Variants in POLR1A observed in about 807,000 individuals in gnomAD.
The protein encoded by POLR1A is RNA polymerase I subunit A.
Under a neutral mutation model 205.3 loss-of-function variants are expected in POLR1A, and 84 were observed. The observed-to-expected ratio is 0.41, with a 90% confidence interval of 0.34 to 0.49. POLR1A has a LOEUF of 0.49. Among genes scored for constraint, POLR1A ranks in the 20% least tolerant of loss-of-function variants. The pLI, the probability that POLR1A is intolerant of heterozygous loss-of-function variation, is 0.22. For missense variants in POLR1A, 1,645 were observed against 2,204.5 expected, an observed-to-expected ratio of 0.75 and a Z score of 5.08; for synonymous variants, 799 against 863.7, an observed-to-expected ratio of 0.93 and a Z score of 1.31.
intron 3 of POLR1A, among the ~76,000 whole-genome samples, chr2:86,091,572 G>A (rs554662871): frequency 1.4e-4 from 21 of 152,234 alleles, no homozygotes; most frequent in African/African-American, 5.1e-4. Flanking sequence ...GTATTGGACT[G>A]TACATATAAT....
Position 86,031,334 on chromosome 2 carries a change from C to T in POLR1A, c.4574G>A (p.Cys1525Tyr). ...YQYDTEESLW[C>Y]QVTVKLPLMK... The stretch of plus-strand genomic sequence containing the variant: ...GGCCTGCACGGCCACACTGACCTGG[C>T]ACCACAGGCTCTCCTCGGTGTCGTA... Residue 1525 changes from cysteine to tyrosine, a missense_variant, in exon 30 of 34, where the codon TGC becomes TAC. Cys to Tyr is a radical substitution (Grantham distance 194). Around this residue, in one of 16 missense-constraint regions of POLR1A, gnomAD observed 394 missense variants for 468.5 expected, o/e 0.84. Coordinates refer to ENST00000263857, the MANE Select transcript of POLR1A (RefSeq NM_015425.6). The T allele has an allele frequency of 6.5e-7, 1 of 1,547,522 alleles. No individual in the cohort carries two copies. The highest frequency in any genetic ancestry group is 8.7e-7 in the Non-Finnish European group (1 of 1,144,428).
intron 13 of POLR1A, among the ~76,000 whole-genome samples, chr2:86,066,028 T>G (rs922464000): frequency 9.9e-5 from 15 of 152,200 alleles, no homozygotes; most frequent in African/African-American, 3.6e-4. Flanking sequence ...AATGATTGGA[T>G]AAATACAATA....
intron 24 of POLR1A, among the ~76,000 whole-genome samples, chr2:86,041,639 G>C (rs1272945438): frequency 6.6e-6 from 1 of 151,698 alleles, no homozygotes; most frequent in Non-Finnish European, 1.5e-5. Flanking sequence ...TTTCCTGCAA[G>C]CCTCCCAGCA....
chr2:86,063,888 T>C (rs1219403846), intron 14 of POLR1A, among the ~76,000 whole-genome samples: 5 of 152,226 alleles, frequency 3.3e-5, no homozygotes, highest in Non-Finnish European at 5.9e-5. Context: ...ACAAATTTTG[T>C]TGTGTTTTCA....
chr2:86,078,266 C>G lies in POLR1A; in HGVS notation c.1105G>C (p.Ala369Pro). The change falls in exon 10 of 34, where the codon GCT becomes CCT. Residue 369 changes from alanine to proline, a missense_variant. Ala to Pro is a conservative substitution (Grantham distance 27). Coordinates refer to ENST00000263857, the MANE Select transcript of POLR1A (RefSeq NM_015425.6). ...GTACTCAAAAAGGATCGGTCAATAG[C>G]AATCAAAGAGTCTTTTTCCTGGAAG... Reference protein sequence around the residue: ...TTDEEKDSLIAIDRSFLSTLP... With the variant: ...TTDEEKDSLIPIDRSFLSTLP... The G allele has an allele frequency of 6.4e-7, 1 of 1,574,012 alleles. No homozygotes were observed. The highest frequency in any genetic ancestry group is 8.6e-7 in the Non-Finnish European group (1 of 1,165,398).
intron 27 of POLR1A, among the ~76,000 whole-genome samples, chr2:86,036,819 A>G (rs549159036): frequency 6.6e-5 from 10 of 152,366 alleles, no homozygotes; most frequent in African/African-American, 2.4e-4. Flanking sequence ...AGCAAAACAC[A>G]GGGAGGAGTT....
chr2:86,075,135 G>A lies in POLR1A; in HGVS notation c.1506C>T (p.Gly502=), dbSNP rs751566107. The A allele has an allele frequency of 2.5e-6, 4 of 1,613,614 alleles. No homozygotes were observed. The highest frequency in any genetic ancestry group is 3.4e-6 in the Non-Finnish European group (4 of 1,179,918). ...CCACAGCGCTCAGGGCTGTGCGGCT[G>A]CCGTCCTCATTGATGACCATGGAGG... ...PGASMVINED[G]SRTALSAVDM... Residue 502 remains glycine (G), a synonymous_variant, in exon 12 of 34, where the codon GGC becomes GGT. Coordinates refer to ENST00000263857, the MANE Select transcript of POLR1A (RefSeq NM_015425.6).
chr2:86,044,723 G>A (rs1375588614), intron 21 of POLR1A, among the ~76,000 whole-genome samples: 2 of 152,226 alleles, frequency 1.3e-5, no homozygotes, highest in Non-Finnish European at 2.9e-5. Context: ...CCCAGGGATT[G>A]CCAAGGACAC....
intron 13 of POLR1A, among the ~76,000 whole-genome samples, chr2:86,069,366 C>G (rs561436475): frequency 6.2e-4 from 94 of 152,308 alleles, no homozygotes; most frequent in African/African-American, 1.7e-3. Flanking sequence ...TGCCTCTTTC[C>G]CCGCTCTGTC....
At chr2:86,055,089 G>A (rs996541586) in intron 14 of POLR1A, among the ~76,000 whole-genome samples, 1 of 152,230 alleles carries the variant, frequency 6.6e-6, no homozygotes, top group Admixed American at 6.5e-5. Flanking sequence ...GAGGTCAAGA[G>A]ATCGAGACCA....
intron 16 of POLR1A, among the ~76,000 whole-genome samples, chr2:86,049,709 G>A (rs1287846760): frequency 1.3e-5 from 2 of 152,158 alleles, no homozygotes; most frequent in Admixed American, 6.5e-5. Context: ...CTATATAGCT[G>A]AGTATACCTG....
chr2:86,065,718 C>T, intron 13 of POLR1A: 1 of 432,750 alleles, frequency 2.3e-6, no homozygotes, highest in Non-Finnish European at 4.1e-6. Flanking sequence ...CAAACTCATC[C>T]CGTTCCCCCG....
intron 6 of POLR1A, among the ~76,000 whole-genome samples, chr2:86,087,852 AT>A (rs1673529224): frequency 6.6e-6 from 1 of 152,126 alleles, no homozygotes; most frequent in Non-Finnish European, 1.5e-5. Flanking sequence ...CAGGTTATGC[AT>A]TTTCTACCCT....
intron 1 of POLR1A, among the ~76,000 whole-genome samples, chr2:86,105,334 A>G (rs948521321): frequency 1.3e-5 from 2 of 152,192 alleles, no homozygotes; most frequent in Non-Finnish European, 2.9e-5. Flanking sequence ...AAGGACAATC[A>G]TTTTACAAAC....
intron 12 of POLR1A, among the ~76,000 whole-genome samples, chr2:86,071,135 C>T (rs1216457510): frequency 7.3e-6 from 1 of 136,132 alleles, no homozygotes; most frequent in Non-Finnish European, 1.6e-5. Flanking sequence ...TAATGTATTA[C>T]AGCAAAGAAA....
intron 14 of POLR1A, among the ~76,000 whole-genome samples, chr2:86,055,986 C>A (rs1051751045): frequency 2.6e-5 from 4 of 152,180 alleles, no homozygotes; most frequent in African/African-American, 9.7e-5. Context: ...GAAAGAAGTA[C>A]AACCACATTT....
At position 86,030,313 on chromosome 2, in the gene POLR1A, A is replaced by G. The variant is rs2104379272; in HGVS notation, c.4662T>C (p.Tyr1554=). Residue 1554 remains tyrosine (Y), a synonymous_variant, in exon 31 of 34, where the codon TAT becomes TAC. Transcript: ENST00000263857. ...VVSLAHGAVI[Y]ATKGITRCLL... is the part of the protein sequence containing the mutation. The stretch of plus-strand genomic sequence containing the variant: ...GGCACCGAGTGATGCCCTTGGTCGC[A>G]TAGATGACGGCACCATGGGCCAAAG... The G allele has an allele frequency of 6.2e-7, 1 of 1,614,080 alleles. No homozygotes were observed. Among genetic ancestry groups the G allele is most frequent in the Non-Finnish European group, 8.5e-7 (1 of 1,179,892 alleles).
intron 3 of POLR1A, 57 bp from the exon 4 acceptor site, chr2:86,089,986 G>T: frequency 1.1e-6 from 1 of 906,546 alleles, no homozygotes; most frequent in Non-Finnish European, 1.9e-6. Flanking sequence ...CTGATGAGCA[G>T]CACAACTGGG....
At chr2:86,065,160 T>C (rs965309774) in intron 14 of POLR1A, 114 bp downstream of exon 14, 2 of 975,570 alleles carry the variant, frequency 2.1e-6, no homozygotes, top group African/African-American at 3.3e-5. Context: ...AGTCAGACTA[T>C]TGCTGGCTTA....
Sources: allele counts gnomAD v4.1 joint callset (sites outside exome capture counted in the v4.1 genomes callset), GRCh38; gene constraint gnomAD v4.1.1; regional missense constraint gnomAD v4.1.1; transcripts MANE v1.5; gene names NCBI Gene and HGNC (gene_info 2026-07-23, HGNC 2026-07-21).